Variants in DRD2 observed in about 807,000 individuals in gnomAD.
DRD2 encodes dopamine receptor D2, also known as D(2) dopamine receptor.
Under a neutral mutation model 38.0 loss-of-function variants are expected in DRD2, and 8 were observed. The observed-to-expected ratio is 0.21, with a 90% CI of 0.12 to 0.38. DRD2 has a LOEUF of 0.38. DRD2 is among the 10% of genes least tolerant of loss of function. The pLI is 1.00. For missense variants in DRD2, 403 were observed against 607.7 expected (o/e 0.66, Z 3.54); for synonymous variants, 230 against 238.6 (o/e 0.96, Z 0.33).
chr11:113,467,850 A>ATGAGCAAGAGCTGCTGACAG (rs1172359558), intron 1 of DRD2, among the ~76,000 whole-genome samples: 5 of 152,244 alleles, frequency 3.3e-5, no homozygotes. Context: ...CTCGCTCAAA[A>ATGAGCAAGAGCTGCTGACAG]TGAGCAAGAG....
chr11:113,448,148 T>TGAG (rs1252105503), intron 1 of DRD2, among the ~76,000 whole-genome samples: 2 of 151,958 alleles, frequency 1.3e-5, no homozygotes, highest in Non-Finnish European at 2.9e-5. Context: ...AGGGAGTGAG[T>TGAG]GAGTCACCAG....
intron 1 of DRD2, among the ~76,000 whole-genome samples, chr11:113,430,549 T>C (rs1950976279): frequency 6.6e-6 from 1 of 152,214 alleles, no homozygotes. Flanking sequence ...TCAAGGGGCC[T>C]GAGAAAACCT....
At chr11:113,446,159 T>C (rs1192009563) in intron 1 of DRD2, among the ~76,000 whole-genome samples, 6 of 151,928 alleles carry the variant, frequency 3.9e-5, no homozygotes, top group Non-Finnish European at 8.8e-5. Flanking sequence ...GGTCTTCAGC[T>C]CCCCCTTCCC....
At chr11:113,414,312 T>C in intron 6 of DRD2, 63 bp downstream of exon 6, 1 of 1,503,846 alleles carries the variant, frequency 6.6e-7, no homozygotes, top group Non-Finnish European at 9.3e-7. Flanking sequence ...CTCAGAACCA[T>C]GGCCAGTGGG....
intron 1 of DRD2, among the ~76,000 whole-genome samples, chr11:113,451,020 T>C (rs1951205457): frequency 6.6e-6 from 1 of 152,164 alleles, no homozygotes; most frequent in Non-Finnish European, 1.5e-5. Flanking sequence ...AGGCAATCAA[T>C]GGAGATTTAG....
intron 3 of DRD2, among the ~76,000 whole-genome samples, chr11:113,417,804 T>C (rs1414796164): frequency 6.6e-6 from 1 of 152,238 alleles, no homozygotes; most frequent in Non-Finnish European, 1.5e-5. Context: ...CTGAGTATGC[T>C]TGGCAGCATC....
At chr11:113,428,842 G>C (rs559711882) in intron 1 of DRD2, among the ~76,000 whole-genome samples, 6 of 152,266 alleles carry the variant, frequency 3.9e-5, no homozygotes, top group Admixed American at 3.9e-4. Flanking sequence ...GCCCAGGCTG[G>C]TCTCACACTC....
intron 2 of DRD2, 46 bp downstream of exon 2, chr11:113,424,321 G>A: frequency 6.3e-7 from 1 of 1,598,392 alleles, no homozygotes; most frequent in South Asian, 1.1e-5. Flanking sequence ...GTCCAGTGCA[G>A]GGCCCTGCTG....
chr11:113,413,350 C>T (rs1367370755), intron 6 of DRD2: 5 of 525,756 alleles, frequency 9.5e-6, no homozygotes, highest in Non-Finnish European at 1.9e-5. Context: ...CCTGCGTACA[C>T]ACGTGGGCTC....
At chr11:113,445,432 G>C (rs976710435) in intron 1 of DRD2, among the ~76,000 whole-genome samples, 1 of 152,082 alleles carries the variant, frequency 6.6e-6, no homozygotes, top group Admixed American at 6.6e-5. Flanking sequence ...AAATTATCTC[G>C]AATGGAAAAC....
intron 1 of DRD2, among the ~76,000 whole-genome samples, chr11:113,427,644 C>T (rs1351396888): frequency 6.6e-6 from 1 of 152,090 alleles, no homozygotes; most frequent in African/African-American, 2.4e-5. Flanking sequence ...GGAAGAAAAC[C>T]CCTTCCCACT....
At position 113,415,541 on chromosome 11, in the gene DRD2, G is replaced by A. The variant is rs1385061128; in HGVS notation, c.603C>T (p.Pro201=). The part of the protein sequence containing the change: ...VYSSIVSFYV[P]FIVTLLVYIK... ...TGTAGACCAGCAGGGTGACAATGAA[G>A]GGCACGTAGAAGGAGACGATGGAGG... Residue 201 remains proline, a synonymous_variant, in exon 5 of 8, where the codon CCC becomes CCT. Transcript: ENST00000362072. The A allele has an allele frequency of 6.2e-6, 10 of 1,614,186 alleles. No individual in the cohort carries two copies. The highest frequency in any genetic ancestry group is 8.5e-6 in the Non-Finnish European group (10 of 1,180,026).
chr11:113,411,303 G>A (rs532080853), intron 7 of DRD2, among the ~76,000 whole-genome samples: 73 of 152,296 alleles, frequency 4.8e-4, no homozygotes, highest in Non-Finnish European at 9.4e-4. Flanking sequence ...ATCCTCATAA[G>A]GTACATAAGA....
intron 1 of DRD2, among the ~76,000 whole-genome samples, chr11:113,427,191 C>T (rs552923662): frequency 1.3e-5 from 2 of 152,226 alleles, no homozygotes. Flanking sequence ...GGCCATACTA[C>T]CTGGAACATG....
At chr11:113,416,840 A>C in intron 4 of DRD2, 23 bp downstream of exon 4, 1 of 1,611,952 alleles carries the variant, frequency 6.2e-7, no homozygotes, top group Non-Finnish European at 8.5e-7. Flanking sequence ...GCTGAGCCTC[A>C]GGCAAACAAA....
At chr11:113,463,944 GT>G (rs529168817) in intron 1 of DRD2, among the ~76,000 whole-genome samples, 47 of 152,282 alleles carry the variant, frequency 3.1e-4, no homozygotes, top group African/African-American at 1.0e-3. Context: ...AACCTTATAA[GT>G]TAAGGGCTGG....
chr11:113,437,711 G>A (rs1338307834), intron 1 of DRD2, among the ~76,000 whole-genome samples: 1 of 152,166 alleles, frequency 6.6e-6, no homozygotes, highest in Admixed American at 6.5e-5. Context: ...AGGAGTGTGG[G>A]CAAGAGCTGG....
At chr11:113,444,527 A>T (rs748806920) in intron 1 of DRD2, among the ~76,000 whole-genome samples, 1 of 152,212 alleles carries the variant, frequency 6.6e-6, no homozygotes, top group Admixed American at 6.5e-5. Flanking sequence ...ACTGGCCAGC[A>T]TATCAGCTTT....
intron 7 of DRD2, 39 bp from the exon 8 acceptor site, chr11:113,410,959 G>T: frequency 6.3e-7 from 1 of 1,582,944 alleles, no homozygotes; most frequent in East Asian, 2.2e-5. Context: ...CCCCAGAGCC[G>T]GGGAGGCACG....
Sources: allele counts gnomAD v4.1 joint callset (sites outside exome capture counted in the v4.1 genomes callset), GRCh38; gene constraint gnomAD v4.1.1; transcripts MANE v1.5; gene names NCBI Gene and HGNC (gene_info 2026-07-23, HGNC 2026-07-21).